Variants in COL6A3 observed in about 807,000 individuals in gnomAD.
COL6A3 encodes the protein collagen alpha-3(VI) chain.
A neutral mutation model predicts 274.1 loss-of-function variants in COL6A3; 137 were observed. The observed-to-expected ratio is 0.50, with a 90% CI of 0.44 to 0.58. The LOEUF is 0.58. Ranked by LOEUF, COL6A3 falls within the 20% of genes least tolerant of loss-of-function variation. COL6A3 has a pLI of 0.00. For missense variants in COL6A3, 3,950 were observed against 4,124.9 expected (o/e 0.96, Z 1.16); for synonymous variants, 1,650 against 1,650.6 (o/e 1.00, Z 0.01).
chr2:237,361,574 C>G lies in COL6A3; in HGVS notation c.6156+165G>C, dbSNP rs1011794196. 3.3e-5 allele frequency among the ~76,000 whole-genome samples: 5 copies of G among 152,214 alleles called. No homozygotes were observed. Among genetic ancestry groups the G allele is most frequent in the Admixed American group, 1.3e-4 (2 of 15,284 alleles). On this transcript the variant is annotated intron_variant, in intron 15 of 43. Coordinates refer to ENST00000295550, the MANE Select transcript of COL6A3 (RefSeq NM_004369.4). The surrounding 1 kb of genome is among the most constrained non-coding windows in gnomAD (Gnocchi z 5.1). ...TTCACTGGAACAGGCCCCAGCAGAA[C>G]AGCACGCAGGTCTGCCCCTCAGAGC...
rs191521418 is a variant in COL6A3 at position 237,365,510 on chromosome 2, G to A, written c.5838+188C>T. Reference sequence around the variant, plus strand: ...TTTCCAGGATTCTTTTAGAGCTTACGTAAGACTACCAAAATGAGGAAGACA... The same window carrying A: ...TTTCCAGGATTCTTTTAGAGCTTACATAAGACTACCAAAATGAGGAAGACA... On this transcript the variant is annotated intron_variant, in intron 12 of 43. Transcript: ENST00000295550. Among the ~76,000 whole-genome samples the A allele has an allele frequency of 4.9e-4, 75 of 152,230 alleles. 1 individual carries two copies. Among genetic ancestry groups the A allele is most frequent in the Admixed American group, 2.3e-3 (35 of 15,308 alleles).
rs2077141792 is a variant in COL6A3 at position 237,348,502 on chromosome 2, T to C, written c.6930+111A>G. The C allele has an allele frequency of 5.1e-6, 7 of 1,374,992 alleles. No individual in the cohort carries two copies. The Middle Eastern group carries it at 7.1e-4, about 140-fold the overall frequency. The allele number at this position is 1,374,992 out of a possible 1,614,324, so 85.2% of individuals were successfully genotyped here. On this transcript the variant is annotated intron_variant, in intron 29 of 43. Transcript: ENST00000295550. ...CATCAAACGAAAACACTCACTCAAA[T>C]ACAAAGACAATTTTTAAAGAAATAA...
At chr2:237,367,429 CT>C in intron 10 of COL6A3, 143 bp from the exon 11 acceptor site, 2 of 994,402 alleles carry the variant, frequency 2.0e-6, no homozygotes, top group South Asian at 1.8e-5. Context: ...ATCCATGCCT[CT>C]TTAGCCTGTA....
intron 8 of COL6A3, among the ~76,000 whole-genome samples, chr2:237,372,696 G>A (rs1199795797): frequency 6.6e-6 from 1 of 152,228 alleles, no homozygotes; most frequent in African/African-American, 2.4e-5. Context: ...ACCTCAACTG[G>A]AGCACTTGGG....
intron 1 of COL6A3, among the ~76,000 whole-genome samples, chr2:237,401,593 C>T (rs1227808427): frequency 6.6e-6 from 1 of 152,126 alleles, no homozygotes; most frequent in Non-Finnish European, 1.5e-5. Context: ...CTGTCTGTAT[C>T]ATTGTAGGTG....
intron 10 of COL6A3, 120 bp from the exon 11 acceptor site, chr2:237,367,406 A>T: frequency 8.0e-7 from 1 of 1,246,062 alleles, no homozygotes; most frequent in Non-Finnish European, 1.1e-6. Context: ...TTCACAGTGA[A>T]ACCTTCACTC....
intron 3 of COL6A3, among the ~76,000 whole-genome samples, chr2:237,391,706 G>T (rs2106383662): frequency 6.6e-6 from 1 of 152,164 alleles, no homozygotes; most frequent in Non-Finnish European, 1.5e-5. Flanking sequence ...TGTATTTTTG[G>T]TAGAGACGGG....
At chr2:237,388,238 T>A in intron 3 of COL6A3, 54 bp from the exon 4 acceptor site, 1 of 1,609,796 alleles carries the variant, frequency 6.2e-7, no homozygotes, top group Non-Finnish European at 8.5e-7. Context: ...AGTGACCACA[T>A]GCATTATTCA....
At chr2:237,406,172 T>C (rs927782899) in intron 1 of COL6A3, among the ~76,000 whole-genome samples, 2 of 152,212 alleles carry the variant, frequency 1.3e-5, no homozygotes, top group African/African-American at 4.8e-5. Context: ...CCTGAAATCA[T>C]ATTCAATCAT....
Position 237,366,035 on chromosome 2 carries a change from G to T in COL6A3, c.5501C>A (p.Ala1834Asp), listed in dbSNP as rs775288584. ...CCCCAGAATCACATCCAGATTACAA[G>T]CTGGAAAGGAGAAATGCAGGTGATG... Reference protein sequence around the residue: ...LCPGVTDAAKACNLDVILGFD... With the variant: ...LCPGVTDAAKDCNLDVILGFD... Residue 1834 changes from alanine to aspartate, a missense_variant and splice_region_variant, in exon 12 of 44, where the codon GCT (alanine) becomes GAT (aspartate). Physicochemically the swap from Ala to Asp is moderately radical, Grantham distance 126. Transcript: ENST00000295550. 8 of 1,612,786 alleles carry T rather than the reference G, an allele frequency of 5.0e-6. No homozygotes were observed. Among genetic ancestry groups the T allele is most frequent in the Non-Finnish European group, 6.8e-6 (8 of 1,179,412 alleles).
intron 7 of COL6A3, among the ~76,000 whole-genome samples, chr2:237,376,198 G>A (rs550632430): frequency 4.0e-4 from 61 of 152,174 alleles, no homozygotes; most frequent in Non-Finnish European, 6.8e-4. Context: ...TCATCAAAAG[G>A]CATACAGGGG....
chr2:237,358,579 T>G lies in COL6A3; in HGVS notation c.6413A>C (p.Asp2138Ala). ...GEKGNPGRRGDKGPRGEKGER... is the reference protein window; with the variant it reads ...GEKGNPGRRGAKGPRGEKGER... ...TCCTTTCTCTCCTCGAGGTCCTTTA[T>G]CACCCTAAAGAAAAAGCACAAGTGG... Residue 2138 changes from aspartate (D) to alanine (A), a missense_variant, in exon 21 of 44, where the codon GAT (aspartate) becomes GCT (alanine). Physicochemically the swap from Asp to Ala is moderately radical, Grantham distance 126 (BLOSUM62 -2). This residue lies in a region of COL6A3 where 1,284 missense variants were observed against 1,349.7 expected (regional missense o/e 0.95). Transcript: ENST00000295550. 1 of 1,613,824 alleles carries G rather than the reference T, an allele frequency of 6.2e-7. No individual in the cohort carries two copies. The highest frequency in any genetic ancestry group is 8.5e-7 in the Non-Finnish European group (1 of 1,179,758).
In COL6A3 at chr2:237,341,579, A is replaced by G. The variant is rs369269487; in HGVS notation, c.7766-429T>C. On this transcript the variant is annotated intron_variant, in intron 37 of 43. Transcript: ENST00000295550. The stretch of plus-strand genomic sequence containing the variant: ...AAAAAAAAAAAAAAAAAACATCACA[A>G]CCAAAACCAATTTATATCTTGCCTT... Among the ~76,000 whole-genome samples the G allele has an allele frequency of 3.2e-3, 478 of 149,422 alleles. 9 individuals are homozygous for G. Among genetic ancestry groups the G allele is most frequent in the African/African-American group, 0.011 (464 of 40,592 alleles).
At chr2:237,387,450 C>T in intron 4 of COL6A3, 132 bp downstream of exon 4, 1 of 1,364,444 alleles carries the variant, frequency 7.3e-7, no homozygotes, top group Non-Finnish European at 1.0e-6. Flanking sequence ...CCCAGCTCAT[C>T]AGGGAAGGAC....
intron 32 of COL6A3, 21 bp downstream of exon 32, chr2:237,346,482 C>T (rs1316447499): frequency 1.2e-6 from 2 of 1,612,774 alleles, no homozygotes; most frequent in Non-Finnish European, 1.7e-6. Context: ...GTGGCCGGGT[C>T]AGAACTGGAT....
chr2:237,373,855 A>C (rs1045872271), intron 8 of COL6A3, among the ~76,000 whole-genome samples: 1 of 152,216 alleles, frequency 6.6e-6, no homozygotes, highest in African/African-American at 2.4e-5. Context: ...GGAAAAAGAA[A>C]ATAGAATAAA....
rs2078438947 is a variant in COL6A3 at position 237,396,279 on chromosome 2, G to GA, written c.91+447dup. 2.0e-5 allele frequency among the ~76,000 whole-genome samples: 3 copies of GA among 152,202 alleles called. No homozygotes were observed. In the South Asian group the frequency reaches 6.2e-4, roughly 31 times the overall value. On this transcript the variant is annotated intron_variant, in intron 2 of 43. Coordinates refer to ENST00000295550, the MANE Select transcript of COL6A3 (RefSeq NM_004369.4). ...TCTTAAAGATTCAAGGATCCTAGAT[G>GA]AAAAATGCCTTCCTGCATCTGGAGT...
At position 237,344,269 on chromosome 2, in the gene COL6A3, A is replaced by G. The variant is rs1375017016; in HGVS notation, c.7668+81T>C. 1 of 1,606,058 alleles carries G rather than the reference A, an allele frequency of 6.2e-7. No homozygotes were observed. The highest frequency in any genetic ancestry group is 8.5e-7 in the Non-Finnish European group (1 of 1,174,552). ...TAGGAGCTATGGGACATGAAGCCACAAAGGAGCATGGACGTGTCTGAGAAC... is the reference window on the plus strand; with the variant it reads ...TAGGAGCTATGGGACATGAAGCCACGAAGGAGCATGGACGTGTCTGAGAAC... On this transcript the variant is annotated intron_variant, in intron 36 of 43. Transcript: ENST00000295550. This position sits in a 1 kb window ranked among gnomAD's most constrained non-coding sequence, Gnocchi z 4.8.
At chr2:237,359,779 C>T (rs564246471) in intron 17 of COL6A3, among the ~76,000 whole-genome samples, 7 of 152,336 alleles carry the variant, frequency 4.6e-5, no homozygotes, top group East Asian at 1.9e-4. Flanking sequence ...ACTGCTCCCA[C>T]GGTCCAGGGC....
Sources: allele counts gnomAD v4.1 joint callset (sites outside exome capture counted in the v4.1 genomes callset), GRCh38; gene constraint gnomAD v4.1.1; regional missense constraint gnomAD v4.1.1; non-coding constraint Gnocchi (gnomAD v3.1); transcripts MANE v1.5; gene names NCBI Gene and HGNC (gene_info 2026-07-23, HGNC 2026-07-21).